RANBP2: variants seen among roughly 807,000 people sequenced by gnomAD.
RANBP2 encodes E3 SUMO-protein ligase RanBP2.
In RANBP2, 57 loss-of-function variants were observed where a neutral mutation model predicts 303.6. The ratio of observed to expected loss-of-function variants is 0.19; its 90% CI spans 0.15 to 0.23. The LOEUF is 0.23. Ranked by LOEUF, RANBP2 falls within the 10% of genes least tolerant of loss-of-function variation. The probability of loss-of-function intolerance (pLI) is 1.00; values close to 1 mark genes in which losing one functional copy is unlikely to be tolerated. For missense variants in RANBP2, 3,138 were observed against 3,780.8 expected, an observed-to-expected ratio of 0.83 and a Z score of 4.46; for synonymous variants, 1,167 against 1,301.5, an observed-to-expected ratio of 0.90 and a Z score of 2.23.
chr2:109,006,157 A>C, the RANBP2 span, among the ~76,000 whole-genome samples: 1 of 151,686 alleles, frequency 6.6e-6, no homozygotes, highest in East Asian at 1.9e-4. Flanking sequence ...TGGCTGAAAC[A>C]CTTAGCAATT....
the RANBP2 span, chr2:108,930,242 C>G: frequency 1.9e-6 from 3 of 1,614,102 alleles, no homozygotes; most frequent in Non-Finnish European, 1.7e-6. Context: ...ATCAGAGACA[C>G]CTGCCAACAA....
chr2:109,671,603 G>A, the RANBP2 span, among the ~76,000 whole-genome samples: 1 of 152,216 alleles, frequency 6.6e-6, no homozygotes, highest in African/African-American at 2.4e-5. Context: ...CCAGGCATGA[G>A]TGGAGCATTA....
At chr2:109,319,126 C>T in the RANBP2 span, among the ~76,000 whole-genome samples, 1 of 152,152 alleles carries the variant, frequency 6.6e-6, no homozygotes, top group Admixed American at 6.5e-5. Context: ...GAGGCACTCC[C>T]ATCTCTGCCT....
chr2:109,232,620 T>A, the RANBP2 span, among the ~76,000 whole-genome samples: 402 of 152,278 alleles, frequency 2.6e-3, 2 homozygotes, highest in African/African-American at 9.3e-3. Flanking sequence ...TTCTACCCTG[T>A]CCATCCCTTC....
chr2:109,255,599 A>C, the RANBP2 span, among the ~76,000 whole-genome samples: 1 of 152,254 alleles, frequency 6.6e-6, no homozygotes, highest in Non-Finnish European at 1.5e-5. Flanking sequence ...AAAATGTTTT[A>C]TGAGGTAGGC....
chr2:108,764,788 G>C lies in RANBP2; in HGVS notation c.4249G>C (p.Gly1417Arg). Residue 1417 changes from glycine (G) to arginine (R), a missense_variant, in exon 20 of 29, where the codon GGT becomes CGT. Transcript: ENST00000283195. ...TGCATTGGTGACTCCAAAGAAAGAAGGTCACTGGGATTGTAGTATTTGTTT... is the reference window on the plus strand; with the variant it reads ...TGCATTGGTGACTCCAAAGAAAGAACGTCACTGGGATTGTAGTATTTGTTT... ...RFALVTPKKEGHWDCSICLVR... is the reference protein window; with the variant it reads ...RFALVTPKKERHWDCSICLVR... 6.2e-7 allele frequency: 1 copy of C among 1,613,914 alleles called. No individual in the cohort carries two copies. Among genetic ancestry groups the C allele is most frequent in the Non-Finnish European group, 8.5e-7 (1 of 1,179,936 alleles).
the RANBP2 span, among the ~76,000 whole-genome samples, chr2:108,818,233 G>C: frequency 2.6e-5 from 4 of 152,124 alleles, no homozygotes; most frequent in Admixed American, 6.6e-5. Flanking sequence ...CTGAACCTGG[G>C]GGGGTCGAGG....
At chr2:109,078,684 A>T in the RANBP2 span, among the ~76,000 whole-genome samples, 1 of 150,620 alleles carries the variant, frequency 6.6e-6, no homozygotes, top group Non-Finnish European at 1.5e-5. Flanking sequence ...CACCACACAC[A>T]AAAAGGTGAC....
chr2:109,344,508 C>T, the RANBP2 span, among the ~76,000 whole-genome samples: 40 of 152,316 alleles, frequency 2.6e-4, no homozygotes, highest in African/African-American at 9.1e-4. Context: ...CCGAGGAGCT[C>T]GGATCCCCTG....
chr2:108,772,371 T>G lies in RANBP2; in HGVS notation c.8021-118T>G, dbSNP rs757710273. 1.4e-5 allele frequency: 10 copies of G among 737,132 alleles called. No individual in the cohort carries two copies. In the African/African-American group the frequency reaches 1.6e-4, roughly 12 times the overall value. The allele number at this position is 737,132 out of a possible 1,614,324, so 45.7% of individuals were successfully genotyped here. A position where few individuals can be genotyped will look rare whatever the true frequency, so the allele number is the denominator to read the frequency against. ...AGCAGAAAGAGAGGTATTAAAGATA[T>G]AAAATTGGCTGCAATTCAGATGTGG... is the stretch of plus-strand genomic sequence containing the variant. On this transcript the variant is annotated intron_variant, in intron 21 of 28. Transcript: ENST00000283195.
the RANBP2 span, among the ~76,000 whole-genome samples, chr2:108,948,706 T>TG: frequency 6.6e-6 from 1 of 151,950 alleles, no homozygotes; most frequent in Non-Finnish European, 1.5e-5. Flanking sequence ...GAGAACAACA[T>TG]GGGGAAAACT....
chr2:109,187,371 T>A, the RANBP2 span, among the ~76,000 whole-genome samples: 4 of 151,850 alleles, frequency 2.6e-5, no homozygotes, highest in Non-Finnish European at 5.9e-5. Flanking sequence ...CTTTTTTTTT[T>A]TAAAGGTATT....
the RANBP2 span, among the ~76,000 whole-genome samples, chr2:109,735,866 T>C: frequency 6.6e-6 from 1 of 152,154 alleles, no homozygotes; most frequent in African/African-American, 2.4e-5. Context: ...ATGCAAGCAA[T>C]TCCGCTTCAG....
the RANBP2 span, among the ~76,000 whole-genome samples, chr2:109,091,947 T>A: frequency 6.6e-6 from 1 of 152,060 alleles, no homozygotes; most frequent in Non-Finnish European, 1.5e-5. Flanking sequence ...GAGGTCTCAG[T>A]TGGCTCTCCC....
the RANBP2 span, among the ~76,000 whole-genome samples, chr2:108,992,306 C>A: frequency 6.6e-6 from 1 of 152,196 alleles, no homozygotes; most frequent in African/African-American, 2.4e-5. Context: ...AAATCGCTGG[C>A]CTCAAGAAGC....
chr2:109,686,922 A>G, the RANBP2 span, among the ~76,000 whole-genome samples: 1 of 152,216 alleles, frequency 6.6e-6, no homozygotes, highest in African/African-American at 2.4e-5. Context: ...ACTTTCATTT[A>G]AACCATTGTA....
chr2:109,122,864 C>T, the RANBP2 span, among the ~76,000 whole-genome samples: 5 of 152,068 alleles, frequency 3.3e-5, no homozygotes, highest in East Asian at 9.6e-4. Context: ...GAGGGAGACC[C>T]TGTTTCTTTC....
Position 108,782,598 on chromosome 2 carries a change from A to C in RANBP2, c.9105A>C (p.Lys3035Asn), listed in dbSNP as rs1250503106. 1 of 1,614,258 alleles carries C rather than the reference A, an allele frequency of 6.2e-7. No homozygotes were observed. Among genetic ancestry groups the C allele is most frequent in the Non-Finnish European group, 8.5e-7 (1 of 1,180,042 alleles). Residue 3035 changes from lysine to asparagine, a missense_variant, in exon 28 of 29, where the codon AAA becomes AAC. This residue lies in a region of RANBP2 where 204 missense variants were observed against 228.4 expected (regional missense o/e 0.89). Transcript: ENST00000283195. ...KTKEVADCFK[K>N]TFEECQQNLM... Reference sequence around the variant, plus strand: ...AAGAAGTAGCTGATTGTTTCAAGAAAACATTTGAAGAATGTCAGCAGAATT... The same window carrying C: ...AAGAAGTAGCTGATTGTTTCAAGAACACATTTGAAGAATGTCAGCAGAATT...
the RANBP2 span, among the ~76,000 whole-genome samples, chr2:109,444,103 T>A: frequency 2.0e-5 from 3 of 152,152 alleles, no homozygotes; most frequent in Non-Finnish European, 4.4e-5. Context: ...TAACAAATAT[T>A]TGATATACTC....
Sources: allele counts gnomAD v4.1 joint callset (sites outside exome capture counted in the v4.1 genomes callset), GRCh38; gene constraint gnomAD v4.1.1; regional missense constraint gnomAD v4.1.1; transcripts MANE v1.5; gene names NCBI Gene and HGNC (gene_info 2026-07-23, HGNC 2026-07-21).